Variants in PBX1 observed in about 807,000 individuals in gnomAD.
PBX1 encodes PBX homeobox 1.
PBX1 carries 6 observed loss-of-function variants against 53.4 expected under a neutral mutation model. The ratio of observed to expected loss-of-function variants is 0.11; its 90% CI spans 0.06 to 0.22. The LOEUF (loss-of-function observed/expected upper bound fraction) is 0.22. Ranked by LOEUF, PBX1 falls within the 10% of genes least tolerant of loss-of-function variation. The pLI, the probability that PBX1 is intolerant of heterozygous loss-of-function variation, is 1.00. For synonymous variants in PBX1, 204 were observed against 212.3 expected, an observed-to-expected ratio of 0.96 and a Z score of 0.34; for missense variants, 251 against 551.4, an observed-to-expected ratio of 0.46 and a Z score of 5.46.
At chr1:164,787,485 A>G (rs1315102836) in intron 2 of PBX1, among the ~76,000 whole-genome samples, 1 of 152,194 alleles carries the variant, frequency 6.6e-6, no homozygotes, top group Non-Finnish European at 1.5e-5. Flanking sequence ...CTTGGTGAAG[A>G]AAGAGTGCCC....
At chr1:164,816,875 A>C (rs773250383) in intron 6 of PBX1, 1 of 151,938 alleles carries the variant, frequency 6.6e-6, no homozygotes, top group Non-Finnish European at 1.5e-5. Flanking sequence ...TTCTTTAACA[A>C]ATTTAAGTCT....
chr1:164,881,807 C>T (rs1384562586), intron 2 of PBX1, among the ~76,000 whole-genome samples: 3 of 151,820 alleles, frequency 2.0e-5, no homozygotes, highest in African/African-American at 7.3e-5. Flanking sequence ...ATGGACTTAC[C>T]CTAGGCCAAC....
chr1:164,653,230 C>T (rs1361307906), intron 2 of PBX1, among the ~76,000 whole-genome samples: 1 of 152,114 alleles, frequency 6.6e-6, no homozygotes, highest in Non-Finnish European at 1.5e-5. Flanking sequence ...TTTTACTTAT[C>T]ACACTGTTTC....
chr1:164,778,991 G>A (rs1667803812), intron 2 of PBX1, among the ~76,000 whole-genome samples: 1 of 151,824 alleles, frequency 6.6e-6, no homozygotes, highest in African/African-American at 2.4e-5. Context: ...GACTAAAAAA[G>A]GGTTAATAAT....
At chr1:164,785,607 G>C (rs1668134684) in intron 2 of PBX1, among the ~76,000 whole-genome samples, 1 of 152,196 alleles carries the variant, frequency 6.6e-6, no homozygotes, top group Non-Finnish European at 1.5e-5. Context: ...TTGGTGTCCT[G>C]TGTCCGAGGG....
intron 7 of PBX1, 76 bp downstream of exon 7, chr1:164,820,260 T>C (rs1436002930): frequency 1.2e-6 from 1 of 845,926 alleles, no homozygotes; most frequent in Non-Finnish European, 2.0e-6. Context: ...GACTTCCTGC[T>C]TCTGTCCAGA....
intron 2 of PBX1, among the ~76,000 whole-genome samples, chr1:164,617,538 T>C (rs1657362028): frequency 6.6e-6 from 1 of 152,224 alleles, no homozygotes; most frequent in South Asian, 2.1e-4. Context: ...CAAGTAAGAT[T>C]GGGAGTTAAA....
intron 8 of PBX1, among the ~76,000 whole-genome samples, chr1:164,837,931 A>G (rs1038951342): frequency 6.6e-6 from 1 of 152,232 alleles, no homozygotes; most frequent in Non-Finnish European, 1.5e-5. Context: ...CCCGTGTCTC[A>G]GATCCCTTAT....
intron 8 of PBX1, among the ~76,000 whole-genome samples, chr1:164,833,925 CCA>C (rs1470041242): frequency 6.6e-6 from 1 of 150,492 alleles, no homozygotes; most frequent in Admixed American, 6.6e-5. Flanking sequence ...AGACTGGTAC[CCA>C]TCTTTTACCT....
chr1:164,799,151 AG>A (rs1472257200), intron 3 of PBX1, among the ~76,000 whole-genome samples: 1 of 152,186 alleles, frequency 6.6e-6, no homozygotes, highest in East Asian at 1.9e-4. Flanking sequence ...GGGAAAAAAA[AG>A]ATTAAGATAA....
intron 2 of PBX1, among the ~76,000 whole-genome samples, chr1:164,879,981 G>C (rs1211584194): frequency 6.6e-6 from 1 of 152,120 alleles, no homozygotes; most frequent in Non-Finnish European, 1.5e-5. Context: ...AGGTGCCAGT[G>C]GTATAGAAGA....
chr1:164,856,773 T>C (rs979118225), downstream of PBX1, among the ~76,000 whole-genome samples: 1 of 152,234 alleles, frequency 6.6e-6, no homozygotes, highest in African/African-American at 2.4e-5. Context: ...CCCTCTCAAA[T>C]GTGTCCACCT....
At chr1:164,701,607 T>C (rs911981061) in intron 2 of PBX1, among the ~76,000 whole-genome samples, 3 of 152,194 alleles carry the variant, frequency 2.0e-5, no homozygotes, top group Non-Finnish European at 4.4e-5. Context: ...TACCTCTTCC[T>C]TCACACTCTC....
intron 2 of PBX1, among the ~76,000 whole-genome samples, chr1:164,791,571 G>A (rs904203187): frequency 1.3e-5 from 2 of 152,180 alleles, no homozygotes; most frequent in Admixed American, 6.5e-5. Flanking sequence ...CGTTCCACAT[G>A]TACTGGATTT....
intron 2 of PBX1, among the ~76,000 whole-genome samples, chr1:164,757,511 T>G (rs1438811472): frequency 6.6e-6 from 1 of 152,130 alleles, no homozygotes; most frequent in Non-Finnish European, 1.5e-5. Flanking sequence ...CCCAAAGTAA[T>G]GTTTTAGCTT....
intron 2 of PBX1, among the ~76,000 whole-genome samples, chr1:164,763,052 T>C (rs1247099899): frequency 6.6e-6 from 1 of 152,198 alleles, no homozygotes; most frequent in Non-Finnish European, 1.5e-5. Flanking sequence ...TTTCTTAGTT[T>C]ACAAATGTGA....
At chr1:164,805,298 T>C (rs1669292879) in intron 4 of PBX1, among the ~76,000 whole-genome samples, 1 of 152,136 alleles carries the variant, frequency 6.6e-6, no homozygotes, top group Non-Finnish European at 1.5e-5. Context: ...AGCTCAACCT[T>C]ATTGTAGAAA....
chr1:164,869,996 A>T (rs1166539882), intron 2 of PBX1, among the ~76,000 whole-genome samples: 2 of 152,174 alleles, frequency 1.3e-5, no homozygotes, highest in Non-Finnish European at 2.9e-5. Flanking sequence ...TACAGTAACT[A>T]AGAGATCCAT....
intron 2 of PBX1, among the ~76,000 whole-genome samples, chr1:164,565,166 GA>G (rs1045544353): frequency 6.6e-6 from 1 of 152,134 alleles, no homozygotes; most frequent in African/African-American, 2.4e-5. Flanking sequence ...CGGTTCAGGT[GA>G]GGGTTAAAGA....
Sources: allele counts gnomAD v4.1 joint callset (sites outside exome capture counted in the v4.1 genomes callset), GRCh38; gene constraint gnomAD v4.1.1; transcripts MANE v1.5; gene names NCBI Gene and HGNC (gene_info 2026-07-23, HGNC 2026-07-21).